HHLA2: variants seen among roughly 807,000 people sequenced by gnomAD.
The protein encoded by HHLA2 is HERV-H LTR-associating protein 2.
Under a neutral mutation model 45.9 loss-of-function variants are expected in HHLA2, and 48 were observed. That is an observed-to-expected ratio of 1.05 (90% confidence interval 0.83 to 1.33). The LOEUF (loss-of-function observed/expected upper bound fraction) is 1.33, where lower values mean the gene tolerates loss of function less well. Among genes scored for constraint, HHLA2 ranks in the 40% most tolerant of loss-of-function variants. HHLA2 has a pLI of 0.00. For missense variants in HHLA2, 462 were observed against 494.3 expected, an observed-to-expected ratio of 0.93 and a Z score of 0.62; for synonymous variants, 161 against 173.9, an observed-to-expected ratio of 0.93 and a Z score of 0.59.
intron 2 of HHLA2, chr3:108,326,545 C>CTACA (rs1309075229): frequency 6.6e-6 from 1 of 152,158 alleles, no homozygotes; most frequent in Non-Finnish European, 1.5e-5. Context: ...ATGGGAGCTA[C>CTACA]AATTCAAGAT....
chr3:108,377,484 T>C (rs550272371), exon 11 of HHLA2: 32 of 563,780 alleles, frequency 5.7e-5, no homozygotes, highest in African/African-American at 4.2e-4. Flanking sequence ...ACTACCTGCA[T>C]TGAGTATAAA....
At chr3:108,305,950 G>A (rs1430677095) in intron 1 of HHLA2, among the ~76,000 whole-genome samples, 1 of 152,154 alleles carries the variant, frequency 6.6e-6, no homozygotes, top group Admixed American at 6.5e-5. Context: ...CTGCTGTCTG[G>A]ATCATCACCA....
chr3:108,314,892 G>A (rs1341273785), intron 2 of HHLA2, among the ~76,000 whole-genome samples: 2 of 152,192 alleles, frequency 1.3e-5, no homozygotes, highest in African/African-American at 2.4e-5. Flanking sequence ...CCACTGGGTT[G>A]ACCCCAAGGC....
intron 2 of HHLA2, among the ~76,000 whole-genome samples, chr3:108,314,561 C>A (rs1451484537): frequency 6.6e-6 from 1 of 152,062 alleles, no homozygotes; most frequent in Non-Finnish European, 1.5e-5. Flanking sequence ...CTGGCCACAC[C>A]ATGGCTCCTC....
intron 3 of HHLA2, among the ~76,000 whole-genome samples, chr3:108,328,820 G>A (rs2081335928): frequency 6.6e-6 from 1 of 151,900 alleles, no homozygotes; most frequent in Non-Finnish European, 1.5e-5. Flanking sequence ...GAACATGCCA[G>A]GAAAGATCTC....
At position 108,333,501 on chromosome 3, in the gene HHLA2, TA is replaced by T. The variant is rs1253908936; in HGVS notation, c.-27+5155del. ...TTCTTGTACTAAAAAATTATTAGTT[TA>T]TCTGAATTCAAATTCAACTGGACAT... On this transcript the variant is annotated intron_variant, in intron 3 of 10. Transcript: ENST00000619531. Among the ~76,000 whole-genome samples the T allele has an allele frequency of 1.5e-4, 23 of 151,876 alleles. 1 individual carries two copies. The highest frequency in any genetic ancestry group is 1.5e-3 in the Admixed American group (23 of 15,226).
chr3:108,374,039 G>T (rs1395173890), intron 8 of HHLA2, among the ~76,000 whole-genome samples: 1 of 150,618 alleles, frequency 6.6e-6, no homozygotes, highest in Non-Finnish European at 1.5e-5. Flanking sequence ...TAAGCCAAAA[G>T]AACAAAGCTG....
chr3:108,307,670 C>T (rs1025053209), intron 1 of HHLA2, among the ~76,000 whole-genome samples: 7 of 151,960 alleles, frequency 4.6e-5, no homozygotes, highest in African/African-American at 1.7e-4. Context: ...AACTTTTGCC[C>T]AGCTTCCACT....
At chr3:108,299,321 G>GA (rs79516048) in intron 1 of HHLA2, among the ~76,000 whole-genome samples, 22,353 of 148,446 alleles carry the variant, frequency 0.15, 3,060 homozygotes, top group East Asian at 0.74. Flanking sequence ...AAAAGACCCA[G>GA]AAAAAATATA....
intron 2 of HHLA2, chr3:108,325,456 T>A: frequency 2.6e-6 from 1 of 391,114 alleles, no homozygotes; most frequent in Non-Finnish European, 5.1e-6. Flanking sequence ...ACCTCCCCTG[T>A]CACTTCTCTG....
In HHLA2 at chr3:108,353,413, G is replaced by A. The variant is rs2081817809; in HGVS notation, c.65-14G>A. The A allele has an allele frequency of 2.0e-6, 3 of 1,501,894 alleles. No individual in the cohort carries two copies. The highest frequency in any genetic ancestry group is 4.8e-5 in the East Asian group (2 of 41,822). The allele number at this position is 1,501,894 out of a possible 1,614,324, so 93.0% of individuals were successfully genotyped here. A position where few individuals can be genotyped will look rare whatever the true frequency, so the allele number is the denominator to read the frequency against. On this transcript the variant is annotated splice_polypyrimidine_tract_variant and intron_variant, in intron 4 of 10. Transcript: ENST00000619531. ...CATTAATTCTCTTTATAACTTCTCT[G>A]CTCTTGACTGTAGGCATATTCCCTT...
intron 1 of HHLA2, chr3:108,302,395 ATC>A (rs1439031597): frequency 6.6e-6 from 1 of 152,174 alleles, no homozygotes; most frequent in Non-Finnish European, 1.5e-5. Context: ...ATTAACTAAC[ATC>A]TCTCTCAACA....
intron 3 of HHLA2, among the ~76,000 whole-genome samples, chr3:108,344,769 G>T (rs992452967): frequency 2.6e-5 from 4 of 152,020 alleles, no homozygotes; most frequent in African/African-American, 9.7e-5. Context: ...GTTAACCCTG[G>T]CAATTTCTTT....
chr3:108,371,428 A>C (rs1194964830), intron 8 of HHLA2, among the ~76,000 whole-genome samples: 1 of 152,250 alleles, frequency 6.6e-6, no homozygotes, highest in African/African-American at 2.4e-5. Flanking sequence ...TAACGAGCAA[A>C]ATAACCAGCT....
At chr3:108,303,546 G>A (rs2080882052) in intron 1 of HHLA2, among the ~76,000 whole-genome samples, 1 of 151,772 alleles carries the variant, frequency 6.6e-6, no homozygotes, top group Non-Finnish European at 1.5e-5. Flanking sequence ...TACATATGCT[G>A]GTCATTAATT....
chr3:108,303,800 G>A (rs2080885792), intron 1 of HHLA2, among the ~76,000 whole-genome samples: 1 of 152,068 alleles, frequency 6.6e-6, no homozygotes, highest in Non-Finnish European at 1.5e-5. Flanking sequence ...GACATAGTAG[G>A]TACGTGATGG....
Position 108,318,405 on chromosome 3 carries a change from G to C in HHLA2, c.-105+7664G>C, listed in dbSNP as rs181841013. ...CATGGTCTCCTAAATATGTCTACCA[G>C]GATGCATTAGCTGCAAAGTGCATCC... On this transcript the variant is annotated intron_variant, in intron 2 of 10. Transcript: ENST00000619531. Among the ~76,000 whole-genome samples the C allele has an allele frequency of 1.7e-3, 255 of 152,216 alleles. 3 individuals are homozygous for C. The highest frequency in any genetic ancestry group is 5.9e-3 in the African/African-American group (243 of 41,532).
intron 1 of HHLA2, among the ~76,000 whole-genome samples, chr3:108,307,563 G>T (rs2107300179): frequency 6.6e-6 from 1 of 151,900 alleles, no homozygotes; most frequent in South Asian, 2.1e-4. Context: ...GAAACAAGAA[G>T]ACGGAGGTTG....
chr3:108,335,608 T>C (rs930756221), intron 3 of HHLA2, among the ~76,000 whole-genome samples: 3 of 152,286 alleles, frequency 2.0e-5, no homozygotes, highest in African/African-American at 7.2e-5. Flanking sequence ...AGATTGACTA[T>C]ACAATTAAGA....
Sources: gnomAD v4.1 joint callset for allele counts (sites outside exome capture counted in the v4.1 genomes callset) on GRCh38, gnomAD v4.1.1 for gene constraint, MANE v1.5 for transcripts, NCBI Gene and HGNC (gene_info 2026-07-23, HGNC 2026-07-21) for gene names.